The following TTC17 variants were observed in gnomAD, a reference collection of about 807,000 sequenced individuals.
The protein encoded by TTC17 is tetratricopeptide repeat domain 17, also known as tetratricopeptide repeat protein 17.
TTC17 carries 58 observed loss-of-function variants against 143.8 expected under a neutral mutation model. The ratio of observed to expected loss-of-function variants is 0.40; its 90% confidence interval spans 0.33 to 0.50. The LOEUF (loss-of-function observed/expected upper bound fraction) is 0.50. Ranked by LOEUF, TTC17 falls within the 20% of genes least tolerant of loss-of-function variation. The pLI, the probability that TTC17 is intolerant of heterozygous loss-of-function variation, is 0.49. For synonymous variants in TTC17, 501 were observed against 497.8 expected, an observed-to-expected ratio of 1.01 and a Z score of -0.09; for missense variants, 1,273 against 1,392.5, an observed-to-expected ratio of 0.91 and a Z score of 1.37.
At chr11:43,487,605 A>G (rs980944699) in intron 21 of TTC17, among the ~76,000 whole-genome samples, 3 of 152,264 alleles carry the variant, frequency 2.0e-5, no homozygotes, top group African/African-American at 7.2e-5. Flanking sequence ...GGAAAGAATA[A>G]GCTGTGGTTT....
chr11:43,397,032 A>T (rs1376815803), intron 6 of TTC17: 10 of 464,524 alleles, frequency 2.2e-5, no homozygotes, highest in Non-Finnish European at 3.0e-5. Context: ...ATTTCCATTA[A>T]GGAAAAAATA....
chr11:43,361,850 G>A (rs1316909521), intron 1 of TTC17, among the ~76,000 whole-genome samples: 1 of 152,042 alleles, frequency 6.6e-6, no homozygotes, highest in African/African-American at 2.4e-5. Flanking sequence ...AATTAGAGTG[G>A]TACATACCTT....
intron 23 of TTC17, among the ~76,000 whole-genome samples, chr11:43,493,106 G>A (rs1052965061): frequency 1.3e-5 from 2 of 152,214 alleles, no homozygotes; most frequent in African/African-American, 4.8e-5. Flanking sequence ...TTGCTACTAT[G>A]AACGAGGACT....
chr11:43,446,485 T>C (rs867080699), intron 18 of TTC17: 17 of 388,064 alleles, frequency 4.4e-5, no homozygotes, highest in African/African-American at 3.3e-4. Context: ...CAGCCCCTTA[T>C]AACAGGTGCT....
Position 43,491,934 on chromosome 11 carries a change from A to G in TTC17, c.3151-86A>G. 3 of 1,545,288 alleles carry G rather than the reference A, an allele frequency of 1.9e-6. No individual in the cohort carries two copies. In the South Asian group the frequency reaches 3.7e-5, roughly 19 times the overall value. ...GTTCTAATCATTCACCAGGAAACAC[A>G]GACTGTATTCTTTATGATCACCAAA... On this transcript the variant is annotated intron_variant, in intron 22 of 23. Coordinates refer to ENST00000039989, the MANE Select transcript of TTC17 (RefSeq NM_018259.6).
At chr11:43,438,374 G>A (rs188919104) in intron 16 of TTC17, among the ~76,000 whole-genome samples, 19 of 152,264 alleles carry the variant, frequency 1.2e-4, no homozygotes, top group African/African-American at 3.6e-4. Context: ...GCCCAGGCTG[G>A]TCTCAAAGTC....
chr11:43,423,331 G>A (rs1283509577), intron 16 of TTC17, among the ~76,000 whole-genome samples: 2 of 152,182 alleles, frequency 1.3e-5, no homozygotes, highest in African/African-American at 4.8e-5. Context: ...ATGCATTGAT[G>A]TGCTGGGAAT....
chr11:43,482,152 A>G (rs977592017), intron 21 of TTC17, among the ~76,000 whole-genome samples: 2 of 151,080 alleles, frequency 1.3e-5, no homozygotes, highest in East Asian at 3.9e-4. Context: ...ACTTTCCACC[A>G]TCTTTTTGTT....
intron 21 of TTC17, among the ~76,000 whole-genome samples, chr11:43,464,077 A>G (rs1947923065): frequency 1.3e-5 from 2 of 152,136 alleles, no homozygotes. Flanking sequence ...GGAGTTCAAG[A>G]CCAGCCTGGC....
At chr11:43,405,462 A>C in intron 11 of TTC17, 52 bp from the exon 12 acceptor site, 1 of 1,313,976 alleles carries the variant, frequency 7.6e-7, no homozygotes, top group Non-Finnish European at 1.1e-6. Context: ...TATTTAGCAT[A>C]TTGAAATATT....
chr11:43,376,160 T>C (rs1285017002), intron 1 of TTC17, among the ~76,000 whole-genome samples: 1 of 152,212 alleles, frequency 6.6e-6, no homozygotes, highest in Non-Finnish European at 1.5e-5. Flanking sequence ...ATTAGGAATA[T>C]TCAACTTGTA....
chr11:43,409,174 A>C (rs1200258181), intron 15 of TTC17, among the ~76,000 whole-genome samples: 1 of 152,142 alleles, frequency 6.6e-6, no homozygotes, highest in Non-Finnish European at 1.5e-5. Context: ...ACTTATTCCT[A>C]CCTAATTTTA....
intron 11 of TTC17, 77 bp downstream of exon 11, chr11:43,404,221 G>A: frequency 2.2e-6 from 3 of 1,393,022 alleles, no homozygotes; most frequent in Non-Finnish European, 2.9e-6. Flanking sequence ...CAACCTCACT[G>A]ATTAATATGG....
intron 1 of TTC17, among the ~76,000 whole-genome samples, chr11:43,365,256 A>G (rs1386247243): frequency 5.9e-5 from 9 of 151,942 alleles, no homozygotes; most frequent in Non-Finnish European, 1.3e-4. Context: ...GCATACCACC[A>G]CACCTGGTTA....
intron 1 of TTC17, among the ~76,000 whole-genome samples, chr11:43,372,624 G>A (rs1476278451): frequency 9.2e-5 from 14 of 151,938 alleles, no homozygotes; most frequent in Admixed American, 7.2e-4. Flanking sequence ...CCAAGTAGCT[G>A]GGATTATAAG....
chr11:43,488,473 G>A (rs1201759791), intron 21 of TTC17, among the ~76,000 whole-genome samples: 1 of 149,974 alleles, frequency 6.7e-6, no homozygotes, highest in Non-Finnish European at 1.5e-5. Flanking sequence ...TTTATATATA[G>A]TATAATATAT....
intron 16 of TTC17, among the ~76,000 whole-genome samples, chr11:43,439,067 T>C (rs1395560763): frequency 6.6e-6 from 1 of 152,274 alleles, no homozygotes; most frequent in Non-Finnish European, 1.5e-5. Flanking sequence ...AAGATGGTTA[T>C]TGTTCCTGCC....
chr11:43,410,948 C>T (rs1858383375), intron 15 of TTC17, among the ~76,000 whole-genome samples: 1 of 152,174 alleles, frequency 6.6e-6, no homozygotes, highest in South Asian at 2.1e-4. Flanking sequence ...ACTGCTGTCC[C>T]ATCCAAACCA....
rs1858179677 is a variant in TTC17, at chr11:43,407,165, A to G, written c.1789A>G (p.Thr597Ala). Residue 597 changes from threonine to alanine, a missense_variant, in exon 14 of 24, where the codon ACT (threonine) becomes GCT (alanine). Around this residue, in one of 3 missense-constraint regions of TTC17, gnomAD observed 878 missense variants for 899.8 expected, o/e 0.98. Coordinates refer to ENST00000039989, the MANE Select transcript of TTC17 (RefSeq NM_018259.6). The stretch of plus-strand genomic sequence containing the variant: ...TTTGCTTTCCCGTATTAATAACTAT[A>G]CTATCCCAGAAGAAGAAATTGGGTC... ...KILLSRINNY[T>A]IPEEEIGSFL... 1.3e-6 allele frequency: 2 copies of G among 1,597,800 alleles called. No individual in the cohort carries two copies. The highest frequency in any genetic ancestry group is 1.7e-6 in the Non-Finnish European group (2 of 1,174,888).
Sources: allele counts gnomAD v4.1 joint callset (sites outside exome capture counted in the v4.1 genomes callset), GRCh38; gene constraint gnomAD v4.1.1; regional missense constraint gnomAD v4.1.1; transcripts MANE v1.5; gene names NCBI Gene and HGNC (gene_info 2026-07-23, HGNC 2026-07-21).